The following NRIP1 variants were observed in gnomAD, a reference collection of about 807,000 sequenced individuals.
NRIP1 encodes the protein nuclear receptor interacting protein 1, also known as nuclear receptor-interacting protein 1.
Under a neutral mutation model 75.0 loss-of-function variants are expected in NRIP1, and 28 were observed. That is an observed-to-expected ratio of 0.37 (90% CI 0.28 to 0.51). NRIP1 has a LOEUF of 0.51. Ranked by LOEUF, NRIP1 falls within the 20% of genes least tolerant of loss-of-function variation. The pLI is 0.92. For synonymous variants in NRIP1, 526 were observed against 487.6 expected (o/e 1.08, Z -1.04); for missense variants, 1,435 against 1,343.7 (o/e 1.07, Z -1.06).
At position 14,964,723 on chromosome 21, in the gene NRIP1, G is replaced by T; in HGVS notation, c.3470C>A (p.Ser1157Ter). The T allele has an allele frequency of 2.0e-6, 3 of 1,538,158 alleles. No homozygotes were observed. In the South Asian group the frequency reaches 3.9e-5, roughly 20 times the overall value. ...CTGGATGGCAGGTACATTTTATTCT[G>T]ATTCTTTCTTTATCGTTAGCACGCT... Reference protein sequence around the residue: ...LGSVLTIKKESE With the variant: ...LGSVLTIKKE Residue 1157 changes from serine to a stop codon, truncating the protein, a stop_gained, in exon 4 of 4, where the codon TCA (serine) becomes TAA (stop). Coordinates refer to ENST00000318948, the MANE Select transcript of NRIP1 (RefSeq NM_003489.4). LOFTEE classifies it high-confidence loss of function.
intron 3 of NRIP1, among the ~76,000 whole-genome samples, chr21:14,990,965 C>T (rs1398697160): frequency 6.6e-6 from 1 of 152,110 alleles, no homozygotes; most frequent in Non-Finnish European, 1.5e-5. Flanking sequence ...TACCTAAGGG[C>T]TCTACGTGCT....
intron 3 of NRIP1, among the ~76,000 whole-genome samples, chr21:15,004,070 C>T (rs531096239): frequency 2.0e-5 from 3 of 152,288 alleles, no homozygotes; most frequent in Middle Eastern, 3.4e-3. Flanking sequence ...AATATACACA[C>T]CTTTTCATTT....
rs370113074 is a variant in NRIP1, at chr21:14,966,921, A to T, written c.1272T>A (p.Phe424Leu). ...TTTCATCACCACTGCTGTCATCTGT[A>T]AAACTAGGATTGTTATCTGAATATT... ...IDEYSDNNPS[F>L]TDDSSGDESS... Residue 424 changes from phenylalanine (F) to leucine (L), a missense_variant, in exon 4 of 4, where the codon TTT (phenylalanine) becomes TTA (leucine). Phe to Leu is a conservative substitution (Grantham distance 22). Coordinates refer to ENST00000318948, the MANE Select transcript of NRIP1 (RefSeq NM_003489.4). 24 of 1,614,056 alleles carry T rather than the reference A, an allele frequency of 1.5e-5. No individual in the cohort carries two copies. The highest frequency in any genetic ancestry group is 1.7e-5 in the Non-Finnish European group (20 of 1,180,026).
At chr21:15,024,327 G>A (rs1568987923) in intron 2 of NRIP1, among the ~76,000 whole-genome samples, 1 of 152,200 alleles carries the variant, frequency 6.6e-6, no homozygotes, top group African/African-American at 2.4e-5. Context: ...TGGATCATTT[G>A]AGGTCAGGAG....
At chr21:14,995,502 G>A (rs1230935462) in intron 3 of NRIP1, among the ~76,000 whole-genome samples, 1 of 152,150 alleles carries the variant, frequency 6.6e-6, no homozygotes, top group East Asian at 1.9e-4. Context: ...TTGTCAAAAC[G>A]CTTCAGAATC....
rs1600794955 is a variant in NRIP1 at position 14,962,773 on chromosome 21, T to C, written c.*1943A>G. 6.6e-6 allele frequency: 1 copy of C among 152,428 alleles called. No homozygotes were observed. Among genetic ancestry groups the C allele is most frequent in the Non-Finnish European group, 1.5e-5 (1 of 67,928 alleles). The allele number at this position is 152,428 out of a possible 1,614,324, so 9.4% of individuals were successfully genotyped here. On this transcript the variant is annotated 3_prime_UTR_variant, in exon 4 of 4. Transcript: ENST00000318948. ...TACTGTATAATATTTCCAGTAGCTA[T>C]TTACAAATCATTCTGAGGAAAAATA...
At chr21:15,026,718 A>G (rs1198988776) in intron 2 of NRIP1, among the ~76,000 whole-genome samples, 1 of 152,208 alleles carries the variant, frequency 6.6e-6, no homozygotes, top group Non-Finnish European at 1.5e-5. Context: ...CCCAGCAACC[A>G]TCCAAATGTC....
intron 1 of NRIP1, among the ~76,000 whole-genome samples, chr21:15,061,639 T>C (rs1057382964): frequency 1.3e-5 from 2 of 152,208 alleles, no homozygotes; most frequent in African/African-American, 4.8e-5. Flanking sequence ...TTCGGTATTT[T>C]AAACTCATTC....
chr21:15,002,939 G>A (rs562779351), intron 3 of NRIP1, among the ~76,000 whole-genome samples: 2 of 152,010 alleles, frequency 1.3e-5, no homozygotes, highest in Non-Finnish European at 2.9e-5. Flanking sequence ...ATAATCCCAA[G>A]CTATTTGAAA....
intron 3 of NRIP1, among the ~76,000 whole-genome samples, chr21:15,004,989 T>C (rs930161013): frequency 3.3e-5 from 5 of 152,220 alleles, no homozygotes; most frequent in East Asian, 1.9e-4. Context: ...TTCTAGGAGA[T>C]AGATGTCATG....
At position 14,967,223 on chromosome 21, in the gene NRIP1, G is replaced by A; in HGVS notation, c.970C>T (p.His324Tyr). ...SYQLPKGMSS[H>Y]LNGQARTSSS... ...GATGTTCTTGCCTGACCATTAAGAT[G>A]GCTTGACATTCCTTTTGGGAGCTGG... Residue 324 changes from histidine to tyrosine, a missense_variant, in exon 4 of 4, where the codon CAT (histidine) becomes TAT (tyrosine). By Grantham distance (83) the His-to-Tyr change is moderately conservative. Transcript: ENST00000318948. 1 of 1,613,976 alleles carries A rather than the reference G, an allele frequency of 6.2e-7. No homozygotes were observed. The highest frequency in any genetic ancestry group is 8.5e-7 in the Non-Finnish European group (1 of 1,179,988).
intron 1 of NRIP1, among the ~76,000 whole-genome samples, chr21:15,063,517 T>C (rs1192152567): frequency 6.6e-6 from 1 of 152,212 alleles, no homozygotes; most frequent in Non-Finnish European, 1.5e-5. Flanking sequence ...AATTCATAAC[T>C]TTAAAGAATG....
Position 15,031,323 on chromosome 21 carries a change from A to G in NRIP1, c.-458+12172T>C, listed in dbSNP as rs79704748. 2.4e-4 allele frequency among the ~76,000 whole-genome samples: 31 copies of G among 127,208 alleles called. 1 individual carries two copies. The highest frequency in any genetic ancestry group is 1.5e-3 in the South Asian group (5 of 3,260). The allele number at this position is 127,208 out of a possible 152,430, so 83.5% of individuals were successfully genotyped here. On this transcript the variant is annotated intron_variant, in intron 2 of 3. Coordinates refer to ENST00000318948, the MANE Select transcript of NRIP1 (RefSeq NM_003489.4). ...TTCACCACATTCCCTTTCTATGTGTATACACTCTGGAAGGCGCTCGGAGGA... is the reference window on the plus strand; with the variant it reads ...TTCACCACATTCCCTTTCTATGTGTGTACACTCTGGAAGGCGCTCGGAGGA...
chr21:15,026,050 G>A (rs1275697234), intron 2 of NRIP1, among the ~76,000 whole-genome samples: 2 of 152,116 alleles, frequency 1.3e-5, no homozygotes, highest in African/African-American at 4.8e-5. Context: ...TGGTTTCCAG[G>A]ACAAGGTCTT....
chr21:14,983,679 G>A (rs1393555405), intron 3 of NRIP1, among the ~76,000 whole-genome samples: 1 of 152,200 alleles, frequency 6.6e-6, no homozygotes, highest in Non-Finnish European at 1.5e-5. Flanking sequence ...TCAAAGGAAA[G>A]ACTGACTCTC....
intron 3 of NRIP1, among the ~76,000 whole-genome samples, chr21:14,971,939 G>A (rs1263439997): frequency 6.6e-6 from 1 of 152,004 alleles, no homozygotes; most frequent in Non-Finnish European, 1.5e-5. Context: ...TAATTTCTTT[G>A]AAAAAAATCC....
intron 3 of NRIP1, among the ~76,000 whole-genome samples, chr21:14,983,195 T>G (rs1002093059): frequency 5.3e-5 from 8 of 150,210 alleles, no homozygotes; most frequent in Non-Finnish European, 1.2e-4. Flanking sequence ...TTGCACCAGT[T>G]AACCAAATTG....
rs139260768 is a variant in NRIP1, at chr21:14,966,451, G to A, written c.1742C>T (p.Pro581Leu). The A allele has an allele frequency of 5.6e-6, 9 of 1,613,944 alleles. No individual in the cohort carries two copies. In the African/African-American group the frequency reaches 1.1e-4, roughly 19 times the overall value. Residue 581 changes from proline (P) to leucine (L), a missense_variant, in exon 4 of 4, where the codon CCA becomes CTA. Physicochemically the swap from Pro to Leu is moderately conservative, Grantham distance 98. Transcript: ENST00000318948. ...TTCAGACTGAGTACTGCAGACATAT[G>A]GTGGGGAATTCCATTTGATGACCAG... The part of the protein sequence containing the change: ...HSLVIKWNSP[P>L]YVCSTQSEKL...
chr21:15,061,042 CAAA>C (rs1568740673), intron 1 of NRIP1, among the ~76,000 whole-genome samples: 1 of 152,116 alleles, frequency 6.6e-6, no homozygotes, highest in African/African-American at 2.4e-5. Flanking sequence ...CCCCCTCCCC[CAAA>C]AGTCCCTGAA....
Sources: allele counts gnomAD v4.1 joint callset (sites outside exome capture counted in the v4.1 genomes callset), GRCh38; gene constraint gnomAD v4.1.1; transcripts MANE v1.5; gene names NCBI Gene and HGNC (gene_info 2026-07-23, HGNC 2026-07-21).